The following MTG1 variants were observed in gnomAD, a reference collection of about 807,000 sequenced individuals.
MTG1 encodes mitochondrial ribosome associated GTPase 1.
MTG1 carries 30 observed loss-of-function variants against 39.5 expected under a neutral mutation model. The observed-to-expected ratio is 0.76, with a 90% CI of 0.57 to 1.03. The LOEUF (loss-of-function observed/expected upper bound fraction) is 1.03, where lower values mean the gene tolerates loss of function less well. MTG1 is among the 50% of genes least tolerant of loss of function. The pLI is 0.00. For synonymous variants in MTG1, 217 were observed against 179.0 expected, an observed-to-expected ratio of 1.21 and a Z score of -1.69; for missense variants, 513 against 447.4, an observed-to-expected ratio of 1.15 and a Z score of -1.32.
intron 9 of MTG1, among the ~76,000 whole-genome samples, chr10:133,407,453 A>G (rs1327019576): frequency 6.6e-6 from 1 of 151,978 alleles, no homozygotes; most frequent in Non-Finnish European, 1.5e-5. Context: ...TGTCCTCTTC[A>G]ATTTCTTTTA....
At chr10:133,400,179 G>A (rs558680791) in intron 6 of MTG1, among the ~76,000 whole-genome samples, 47 of 151,614 alleles carry the variant, frequency 3.1e-4, no homozygotes, top group Non-Finnish European at 6.0e-4. Context: ...GCGACAGAGC[G>A]AGACTCCGTC....
chr10:133,394,306 G>T lies in MTG1; in HGVS notation c.86G>T (p.Arg29Leu). 1 of 1,515,746 alleles carries T rather than the reference G, an allele frequency of 6.6e-7. No homozygotes were observed. The highest frequency in any genetic ancestry group is 8.8e-7 in the Non-Finnish European group (1 of 1,136,204). The allele number at this position is 1,515,746 out of a possible 1,614,324, so 93.9% of individuals were successfully genotyped here. ...NFPLCGRDVA[R>L]WFPGHMAKGL... Reference sequence around the variant, plus strand: ...CCCCTGTGCGGTCGCGACGTGGCGCGCTGGTTCCCGGGCCACATGGCCAAG... The same window carrying T: ...CCCCTGTGCGGTCGCGACGTGGCGCTCTGGTTCCCGGGCCACATGGCCAAG... The change falls in exon 1 of 11, where the codon CGC (arginine) becomes CTC (leucine). Residue 29 changes from arginine (R) to leucine (L), a missense_variant. Physicochemically the swap from Arg to Leu is moderately radical, Grantham distance 102 (BLOSUM62 -2). Coordinates refer to ENST00000317502, the MANE Select transcript of MTG1 (RefSeq NM_138384.4).
rs1466822676 is a variant in MTG1, at chr10:133,394,227, T to C, written c.7T>C (p.Leu3=). 21 of 1,516,408 alleles carry C rather than the reference T, an allele frequency of 1.4e-5. No individual in the cohort carries two copies. Among genetic ancestry groups the C allele is most frequent in the Non-Finnish European group, 1.4e-5 (16 of 1,137,094 alleles). 93.9% of individuals were successfully genotyped at this position (1,516,408 alleles called of 1,614,324 possible). The change falls in exon 1 of 11, where the codon TTG becomes CTG. Residue 3 remains leucine (L), a synonymous_variant. Coordinates refer to ENST00000317502, the MANE Select transcript of MTG1 (RefSeq NM_138384.4). The stretch of plus-strand genomic sequence containing the variant: ...TTCCGGGGACGGTGCCGCCATGAGA[T>C]TGACCCCGCGCGCGCTGTGCAGCGC... The part of the protein sequence containing the change: MR[L]TPRALCSAAQ...
chr10:133,414,764 G>T (rs1225812834), intron 9 of MTG1, among the ~76,000 whole-genome samples: 1 of 152,250 alleles, frequency 6.6e-6, no homozygotes. Context: ...CAGATGGGGT[G>T]GCGGCCGGGC....
At chr10:133,414,391 C>T (rs930955976) in intron 9 of MTG1, among the ~76,000 whole-genome samples, 72 of 152,342 alleles carry the variant, frequency 4.7e-4, no homozygotes, top group Non-Finnish European at 6.3e-4. Context: ...TCCACAAAAC[C>T]GCCATTGTCA....
intron 1 of MTG1, 183 bp downstream of exon 1, chr10:133,394,515 C>A (rs944051787): frequency 1.5e-6 from 2 of 1,330,860 alleles, no homozygotes; most frequent in Non-Finnish European, 1.9e-6. Context: ...ACCCCTTCCC[C>A]TGCGCAGCTG....
Position 133,420,299 on chromosome 10 carries a change from C to T in MTG1, c.*134C>T. The T allele has an allele frequency of 8.9e-7, 1 of 1,119,544 alleles. No homozygotes were observed. The highest frequency in any genetic ancestry group is 2.0e-5 in the South Asian group (1 of 50,384). The allele number at this position is 1,119,544 out of a possible 1,614,324, so 69.4% of individuals were successfully genotyped here. A position where few individuals can be genotyped will look rare whatever the true frequency, so the allele number is the denominator to read the frequency against. ...TAGGGTGCTGTGCTCTCTGGCGCCC[C>T]ACAGCCTGGCCAGCTCCAGGGACCC... On this transcript the variant is annotated 3_prime_UTR_variant, in exon 11 of 11. Transcript: ENST00000317502.
At chr10:133,418,686 C>G (rs905907087) in intron 9 of MTG1, among the ~76,000 whole-genome samples, 1 of 152,100 alleles carries the variant, frequency 6.6e-6, no homozygotes, top group Non-Finnish European at 1.5e-5. Flanking sequence ...TGACCAGGTC[C>G]GAGGGCACCA....
intron 9 of MTG1, among the ~76,000 whole-genome samples, chr10:133,404,666 T>C (rs1849943835): frequency 1.3e-5 from 2 of 152,196 alleles, no homozygotes; most frequent in South Asian, 4.1e-4. Flanking sequence ...TGAAGATAGA[T>C]GGTTTTAGGT....
rs57165977 is a variant in MTG1, at chr10:133,404,129, C to CTTTTT, written c.752+1372_752+1376dup. ...TCTTTCCTTATTGCTAAGTTTTAAT[C>CTTTTT]TTTTTTTTTTTTTTTTTTTTGAGAC... is the stretch of plus-strand genomic sequence containing the variant. On this transcript the variant is annotated intron_variant, in intron 9 of 10. Coordinates refer to ENST00000317502, the MANE Select transcript of MTG1 (RefSeq NM_138384.4). 7.9e-3 allele frequency among the ~76,000 whole-genome samples: 722 copies of CTTTTT among 91,118 alleles called. 6 individuals are homozygous for CTTTTT. Among genetic ancestry groups the CTTTTT allele is most frequent in the Non-Finnish European group, 9.1e-3 (466 of 50,930 alleles). 59.8% of individuals were successfully genotyped at this position (91,118 alleles called of 152,430 possible).
intron 6 of MTG1, among the ~76,000 whole-genome samples, chr10:133,400,430 C>A (rs898148601): frequency 6.6e-6 from 1 of 152,192 alleles, no homozygotes; most frequent in South Asian, 2.1e-4. Context: ...TTCACTGCCC[C>A]GTGGGCTCTT....
chr10:133,394,397 C>A lies in MTG1; in HGVS notation c.112+65C>A. ...CGCGGCGCCTCTGCTTCCCTCCCACCCCGGTTTCGGCCGTCGCCTGCTTCT... is the reference window on the plus strand; with the variant it reads ...CGCGGCGCCTCTGCTTCCCTCCCACACCGGTTTCGGCCGTCGCCTGCTTCT... On this transcript the variant is annotated intron_variant, in intron 1 of 10. Coordinates refer to ENST00000317502, the MANE Select transcript of MTG1 (RefSeq NM_138384.4). 2.9e-6 allele frequency: 4 copies of A among 1,372,922 alleles called. No individual in the cohort carries two copies. The South Asian group carries it at 6.1e-5, about 21-fold the overall frequency. The allele number at this position is 1,372,922 out of a possible 1,614,324, so 85.0% of individuals were successfully genotyped here. A position where few individuals can be genotyped will look rare whatever the true frequency, so the allele number is the denominator to read the frequency against.
intron 9 of MTG1, among the ~76,000 whole-genome samples, chr10:133,417,970 A>G (rs1266226513): frequency 1.3e-5 from 2 of 152,242 alleles, no homozygotes; most frequent in Admixed American, 6.5e-5. Context: ...TATAGATTCA[A>G]TGCCATCCCC....
intron 9 of MTG1, among the ~76,000 whole-genome samples, chr10:133,409,657 C>T (rs564004500): frequency 2.6e-5 from 4 of 152,214 alleles, no homozygotes; most frequent in Non-Finnish European, 5.9e-5. Context: ...CTCTGCCTCT[C>T]ACTTTCAATC....
chr10:133,418,561 G>A (rs536346754), intron 9 of MTG1, among the ~76,000 whole-genome samples: 5 of 152,160 alleles, frequency 3.3e-5, no homozygotes, highest in East Asian at 1.9e-4. Context: ...TGGTGCCTCC[G>A]AGAAGTTAGA....
intron 1 of MTG1, 153 bp downstream of exon 1, chr10:133,394,485 C>T (rs1849751217): frequency 6.0e-6 from 8 of 1,337,734 alleles, no homozygotes; most frequent in African/African-American, 1.5e-5. Flanking sequence ...CCGCTCTCAC[C>T]CGCTCCCGGA....
intron 9 of MTG1, among the ~76,000 whole-genome samples, chr10:133,403,455 C>T (rs1409663522): frequency 4.6e-5 from 7 of 152,366 alleles, no homozygotes; most frequent in South Asian, 2.1e-4. Flanking sequence ...CTGCCCCTCC[C>T]TGAGCCCAGG....
At chr10:133,400,786 A>G (rs1849863210) in intron 6 of MTG1, among the ~76,000 whole-genome samples, 1 of 152,156 alleles carries the variant, frequency 6.6e-6, no homozygotes, top group Non-Finnish European at 1.5e-5. Context: ...CCCTCGTTCC[A>G]CTTTCTGTCT....
chr10:133,400,685 T>G (rs1849861795), intron 6 of MTG1, among the ~76,000 whole-genome samples: 1 of 152,224 alleles, frequency 6.6e-6, no homozygotes. Flanking sequence ...TTTATAGGGT[T>G]ATGCAGCCAG....
Sources: gnomAD v4.1 joint callset for allele counts (sites outside exome capture counted in the v4.1 genomes callset) on GRCh38, gnomAD v4.1.1 for gene constraint, MANE v1.5 for transcripts, NCBI Gene and HGNC (gene_info 2026-07-23, HGNC 2026-07-21) for gene names.